SPDYE10: variants seen among roughly 807,000 people sequenced by gnomAD.
SPDYE10 encodes speedy protein E10.
the SPDYE10 span, among the ~76,000 whole-genome samples, chr7:73,114,492 C>G: frequency 6.7e-6 from 1 of 149,698 alleles, no homozygotes; most frequent in Non-Finnish European, 1.5e-5. Flanking sequence ...GATCTTTTTG[C>G]AAGTGTAAAT....
the SPDYE10 span, among the ~76,000 whole-genome samples, chr7:73,135,272 G>A: frequency 1.3e-5 from 2 of 151,880 alleles, no homozygotes; most frequent in African/African-American, 4.8e-5. Context: ...TGTACCCACG[G>A]GCACCAAGGA....
chr7:73,117,869 G>A, the SPDYE10 span, among the ~76,000 whole-genome samples: 6 of 131,510 alleles, frequency 4.6e-5, no homozygotes, highest in Admixed American at 3.2e-4. Context: ...TGTGTATGCT[G>A]CTGGGCACCA....
At chr7:73,135,140 G>A in the SPDYE10 span, among the ~76,000 whole-genome samples, 1 of 152,334 alleles carries the variant, frequency 6.6e-6, no homozygotes, top group South Asian at 2.1e-4. Flanking sequence ...GGCAGCCCTG[G>A]GGAGACCCAA....
At chr7:73,115,044 C>A in the SPDYE10 span, among the ~76,000 whole-genome samples, 1 of 152,102 alleles carries the variant, frequency 6.6e-6, no homozygotes, top group South Asian at 2.1e-4. Context: ...TTACAGGCAC[C>A]CACCACCACG....
At chr7:73,127,554 G>A in the SPDYE10 span, among the ~76,000 whole-genome samples, 3 of 49,112 alleles carry the variant, frequency 6.1e-5, no homozygotes, top group African/African-American at 2.1e-4. Context: ...CTGTGAAGAA[G>A]GAAAAAAGAG....
chr7:73,141,113 G>C, the SPDYE10 span, among the ~76,000 whole-genome samples: 14 of 140,504 alleles, frequency 1.0e-4, no homozygotes, highest in South Asian at 1.4e-3. Flanking sequence ...CACACACACA[G>C]ACAAAATTAG....
chr7:73,137,497 G>T, the SPDYE10 span, among the ~76,000 whole-genome samples: 1 of 148,972 alleles, frequency 6.7e-6, no homozygotes, highest in African/African-American at 2.5e-5. Context: ...ACTCCAGCCT[G>T]GGCAACACAG....
the SPDYE10 span, among the ~76,000 whole-genome samples, chr7:73,123,788 C>CCTCTCTCTCCCT: frequency 2.1e-5 from 2 of 97,458 alleles, no homozygotes; most frequent in African/African-American, 1.0e-4. Flanking sequence ...TCTCTCTCTC[C>CCTCTCTCTCCCT]CTCTCTCTCT....
the SPDYE10 span, among the ~76,000 whole-genome samples, chr7:73,115,254 C>G: frequency 1.3e-5 from 2 of 152,152 alleles, no homozygotes; most frequent in African/African-American, 2.4e-5. Context: ...TCCACTCTCT[C>G]TACATCCTGA....
chr7:73,135,823 C>G, the SPDYE10 span, among the ~76,000 whole-genome samples: 1 of 93,042 alleles, frequency 1.1e-5, no homozygotes, highest in South Asian at 4.4e-4. Flanking sequence ...CCCACCTCGG[C>G]CTCCCAAAGT....
chr7:73,114,457 G>C, the SPDYE10 span, among the ~76,000 whole-genome samples: 1 of 149,810 alleles, frequency 6.7e-6, no homozygotes, highest in Non-Finnish European at 1.5e-5. Context: ...TCAAATCTCT[G>C]CCAACACCGA....
At chr7:73,113,765 A>G in the SPDYE10 span, among the ~76,000 whole-genome samples, 14,584 of 145,612 alleles carry the variant, frequency 0.1, 4 homozygotes, top group Middle Eastern at 0.19. Context: ...GCCAGGTGCC[A>G]TGGCTCATGC....
chr7:73,143,034 A>AAG, the SPDYE10 span, among the ~76,000 whole-genome samples: 4 of 131,944 alleles, frequency 3.0e-5, no homozygotes, highest in Non-Finnish European at 3.3e-5. Context: ...AAGGAAGGAA[A>AAG]GAAGGAAGGA....
the SPDYE10 span, among the ~76,000 whole-genome samples, chr7:73,142,699 A>G: frequency 0.033 from 3,816 of 116,534 alleles, 13 homozygotes; most frequent in African/African-American, 0.099. Context: ...CACTTTGGGA[A>G]GCTGAGGTGG....
the SPDYE10 span, among the ~76,000 whole-genome samples, chr7:73,115,053 C>G: frequency 6.6e-6 from 1 of 152,104 alleles, no homozygotes; most frequent in Admixed American, 6.5e-5. Context: ...CCCACCACCA[C>G]GTATGACTAA....
At chr7:73,114,987 C>T in the SPDYE10 span, among the ~76,000 whole-genome samples, 7 of 152,262 alleles carry the variant, frequency 4.6e-5, no homozygotes, top group African/African-American at 1.4e-4. Flanking sequence ...ACCTCCGCCT[C>T]CCGGGTTCAA....
At chr7:73,116,990 G>A in the SPDYE10 span, among the ~76,000 whole-genome samples, 1 of 152,026 alleles carries the variant, frequency 6.6e-6, no homozygotes, top group Non-Finnish European at 1.5e-5. Flanking sequence ...CCACCTCCCA[G>A]GTTCAAGTGA....
At chr7:73,114,574 T>C in the SPDYE10 span, among the ~76,000 whole-genome samples, 1 of 142,080 alleles carries the variant, frequency 7.0e-6, no homozygotes, top group African/African-American at 2.5e-5. Flanking sequence ...TCTCACTCTG[T>C]CACCCAGGCT....
chr7:73,150,907 A>AAAAAAATATAT, the SPDYE10 span, among the ~76,000 whole-genome samples: 1 of 11,576 alleles, frequency 8.6e-5, no homozygotes, highest in Non-Finnish European at 1.4e-4. Flanking sequence ...AAAAAAAAAA[A>AAAAAAATATAT]ATATATATAT....
Sources: gnomAD v4.1 joint callset for allele counts (sites outside exome capture counted in the v4.1 genomes callset) on GRCh38, gnomAD v4.1.1 for gene constraint, MANE v1.5 for transcripts, NCBI Gene and HGNC (gene_info 2026-07-23, HGNC 2026-07-21) for gene names.